Variants in GRHL1 observed in about 807,000 individuals in gnomAD.
GRHL1 encodes the protein grainyhead-like protein 1 homolog.
GRHL1 carries 38 observed loss-of-function variants against 75.7 expected under a neutral mutation model. The ratio of observed to expected loss-of-function variants is 0.50; its 90% CI spans 0.39 to 0.66. The LOEUF is 0.66. Ranked by LOEUF, GRHL1 falls within the 30% of genes least tolerant of loss-of-function variation. The pLI is 0.00. For synonymous variants in GRHL1, 266 were observed against 279.4 expected, an observed-to-expected ratio of 0.95 and a Z score of 0.48; for missense variants, 589 against 767.5, an observed-to-expected ratio of 0.77 and a Z score of 2.75.
At position 9,990,370 on chromosome 2, in the gene GRHL1, C is replaced by G. The variant is rs572382720; in HGVS notation, c.1270-326C>G. The stretch of plus-strand genomic sequence containing the variant: ...TTCACCATGTTGGCCAGGCTGGTCT[C>G]GAACTCCTGACCTCAAATGATCCAC... On this transcript the variant is annotated intron_variant, in intron 9 of 15. Transcript: ENST00000324907. This position sits in a 1 kb window ranked among gnomAD's most constrained non-coding sequence, Gnocchi z 4.2. 2.0e-5 allele frequency among the ~76,000 whole-genome samples: 3 copies of G among 151,512 alleles called. No homozygotes were observed. Among genetic ancestry groups the G allele is most frequent in the Non-Finnish European group, 4.4e-5 (3 of 67,840 alleles).
intron 8 of GRHL1, among the ~76,000 whole-genome samples, chr2:9,973,542 A>G (rs1022653527): frequency 5.3e-5 from 8 of 152,232 alleles, no homozygotes; most frequent in African/African-American, 1.2e-4. Flanking sequence ...GTTGAATTCT[A>G]TAACTGTATA....
At chr2:9,959,944 A>G (rs1241673442) in intron 3 of GRHL1, 2 of 152,134 alleles carry the variant, frequency 1.3e-5, no homozygotes, top group Admixed American at 1.3e-4. Flanking sequence ...AGTTTTATTG[A>G]TCTTGAAATG....
At chr2:9,957,441 G>A (rs542038870) in intron 2 of GRHL1, among the ~76,000 whole-genome samples, 4 of 148,720 alleles carry the variant, frequency 2.7e-5, no homozygotes, top group South Asian at 2.1e-4. Context: ...ACAGAGTCTC[G>A]CTCTGTCGCC....
chr2:9,979,129 C>A (rs1372905006), intron 8 of GRHL1, among the ~76,000 whole-genome samples: 1 of 89,048 alleles, frequency 1.1e-5, no homozygotes, highest in Non-Finnish European at 2.2e-5. Flanking sequence ...CACTGCATTC[C>A]AGCCTGGGCA....
chr2:9,972,627 G>T (rs151152328), intron 8 of GRHL1, among the ~76,000 whole-genome samples: 6 of 152,126 alleles, frequency 3.9e-5, no homozygotes, highest in African/African-American at 1.4e-4. Context: ...CAGCCTGCCC[G>T]CCAGATCTTC....
intron 8 of GRHL1, among the ~76,000 whole-genome samples, chr2:9,975,618 C>T (rs1277899621): frequency 2.0e-5 from 3 of 151,980 alleles, no homozygotes; most frequent in Non-Finnish European, 2.9e-5. Context: ...TGGCTCTTGC[C>T]GGTAATCCCA....
Position 9,961,224 on chromosome 2 carries a change from C to A in GRHL1, c.457C>A (p.Pro153Thr). 1 of 1,614,006 alleles carries A rather than the reference C, an allele frequency of 6.2e-7. No individual in the cohort carries two copies. The highest frequency in any genetic ancestry group is 8.5e-7 in the Non-Finnish European group (1 of 1,179,896). Residue 153 changes from proline (P) to threonine (T), a missense_variant, in exon 4 of 16, where the codon CCT (proline) becomes ACT (threonine). By Grantham distance (38) the Pro-to-Thr change is conservative (BLOSUM62 -1). This residue lies in a region of GRHL1 where 362 missense variants were observed against 461.8 expected (regional missense o/e 0.78). Transcript: ENST00000324907. ...TTVTVSIATMPTHSIKTETQP... is the reference protein window; with the variant it reads ...TTVTVSIATMTTHSIKTETQP... Reference sequence around the variant, plus strand: ...AGTCACTGTCTCCATAGCAACGATGCCTACCCACTCCATCAAGACAGAAAC... The same window carrying A: ...AGTCACTGTCTCCATAGCAACGATGACTACCCACTCCATCAAGACAGAAAC...
At chr2:9,995,056 A>G (rs563096112) in intron 12 of GRHL1, among the ~76,000 whole-genome samples, 5 of 151,870 alleles carry the variant, frequency 3.3e-5, no homozygotes, top group African/African-American at 9.7e-5. Context: ...CCTTTCAACT[A>G]TTCCCTCTTC....
Position 9,990,403 on chromosome 2 carries a change from G to A in GRHL1, c.1270-293G>A, listed in dbSNP as rs1384686874. The stretch of plus-strand genomic sequence containing the variant: ...TGACCTCAAATGATCCACCCACCTC[G>A]GCCTCCCAAAGTGCTGGGATTACAG... On this transcript the variant is annotated intron_variant, in intron 9 of 15. Coordinates refer to ENST00000324907, the MANE Select transcript of GRHL1 (RefSeq NM_198182.3). This position sits in a 1 kb window ranked among gnomAD's most constrained non-coding sequence, Gnocchi z 4.2. Among the ~76,000 whole-genome samples the A allele has an allele frequency of 2.6e-5, 4 of 152,010 alleles. No individual in the cohort carries two copies. Among genetic ancestry groups the A allele is most frequent in the South Asian group, 2.1e-4 (1 of 4,822 alleles).
At chr2:9,957,812 G>T (rs1218732541) in intron 2 of GRHL1, among the ~76,000 whole-genome samples, 1 of 152,182 alleles carries the variant, frequency 6.6e-6, no homozygotes, top group Non-Finnish European at 1.5e-5. Flanking sequence ...GCGCAATGGG[G>T]TTAAATCTCA....
intron 8 of GRHL1, chr2:9,966,382 A>C (rs113787842): frequency 0.011 from 1,661 of 151,232 alleles, 33 homozygotes; most frequent in African/African-American, 0.039. Context: ...TAGGCAACAG[A>C]GTGAGACCCT....
chr2:9,991,874 G>A (rs539893382), intron 10 of GRHL1, 133 bp from the exon 11 acceptor site: 7 of 554,496 alleles, frequency 1.3e-5, no homozygotes, highest in South Asian at 6.5e-5. Flanking sequence ...GGCAGGCAGC[G>A]TGCCCTGTTG....
chr2:9,971,970 C>T (rs1257711100), intron 8 of GRHL1, among the ~76,000 whole-genome samples: 3 of 152,114 alleles, frequency 2.0e-5, no homozygotes, highest in Non-Finnish European at 4.4e-5. Flanking sequence ...ATAAGTACAT[C>T]GAACCATGGC....
At chr2:9,966,056 C>T (rs1210968685) in intron 8 of GRHL1, 1 of 152,188 alleles carries the variant, frequency 6.6e-6, no homozygotes, top group Non-Finnish European at 1.5e-5. Flanking sequence ...ATTAGAGTTC[C>T]TGTATTTCTT....
chr2:9,960,769 A>G (rs879426433), intron 3 of GRHL1: 34 of 339,404 alleles, frequency 1.0e-4, no homozygotes, highest in African/African-American at 1.9e-4. Flanking sequence ...AAAACACAGT[A>G]ATTGTTTTTA....
intron 8 of GRHL1, among the ~76,000 whole-genome samples, chr2:9,974,693 TG>T (rs1347813870): frequency 6.6e-5 from 10 of 152,370 alleles, no homozygotes; most frequent in African/African-American, 2.4e-4. Flanking sequence ...GGAAATTCTA[TG>T]CAAGGTGATC....
In GRHL1 at chr2:9,998,625, C is replaced by CATATAT. The variant is rs749632075; in HGVS notation, c.1678-335_1678-334insTATATA. 2.5e-3 allele frequency among the ~76,000 whole-genome samples: 63 copies of CATATAT among 25,522 alleles called. 11 individuals carry two copies. The highest frequency in any genetic ancestry group is 2.6e-3 in the South Asian group (4 of 1,550). The allele number at this position is 25,522 out of a possible 152,430, so 16.7% of individuals were successfully genotyped here. Reference sequence around the variant, plus strand: ...ATATATATATACATATATATGTACACATATACATATATATGTACACATATA... The same window carrying CATATAT: ...ATATATATATACATATATATGTACACATATATATATACATATATATGTACACATATA... On this transcript the variant is annotated intron_variant, in intron 14 of 15. Coordinates refer to ENST00000324907, the MANE Select transcript of GRHL1 (RefSeq NM_198182.3).
intron 8 of GRHL1, among the ~76,000 whole-genome samples, chr2:9,977,858 TAAAG>T (rs200518745): frequency 0.019 from 2,882 of 152,282 alleles, 74 homozygotes; most frequent in African/African-American, 0.065. Context: ...ATGCTGCTGA[TAAAG>T]ACATACCCGA....
intron 3 of GRHL1, 36 bp downstream of exon 3, chr2:9,958,892 G>A: frequency 1.2e-6 from 2 of 1,605,834 alleles, no homozygotes; most frequent in Non-Finnish European, 1.7e-6. Context: ...AAGAGTGCAG[G>A]GGGAAATGCC....
Sources: allele counts gnomAD v4.1 joint callset (sites outside exome capture counted in the v4.1 genomes callset), GRCh38; gene constraint gnomAD v4.1.1; regional missense constraint gnomAD v4.1.1; non-coding constraint Gnocchi (gnomAD v3.1); transcripts MANE v1.5; gene names NCBI Gene and HGNC (gene_info 2026-07-23, HGNC 2026-07-21).